TCF12: variants seen among roughly 807,000 people sequenced by gnomAD.
TCF12 encodes the protein transcription factor 12, also known as DNA-binding protein HTF4.
In TCF12, 45 loss-of-function variants were observed where a neutral mutation model predicts 86.0. That is an observed-to-expected ratio of 0.52 (90% CI 0.41 to 0.67). The LOEUF is 0.67. Among genes scored for constraint, TCF12 ranks in the 30% least tolerant of loss-of-function variants. TCF12 has a pLI of 0.00. For synonymous variants in TCF12, 330 were observed against 299.6 expected (o/e 1.10, Z -1.05); for missense variants, 881 against 859.9 (o/e 1.02, Z -0.31).
At chr15:56,953,667 C>T (rs186708817) in intron 3 of TCF12, among the ~76,000 whole-genome samples, 3 of 152,010 alleles carry the variant, frequency 2.0e-5, no homozygotes, top group African/African-American at 7.2e-5. Context: ...TTGTGTTTCT[C>T]AAAGATTGTT....
In TCF12 at chr15:57,289,069, T is replaced by G. The variant is rs1050693675; in HGVS notation, c.*2924T>G. On this transcript the variant is annotated 3_prime_UTR_variant, in exon 21 of 21. Coordinates refer to ENST00000333725, the MANE Select transcript of TCF12 (RefSeq NM_207037.2). ...AGAACCTCAAACAAACTAGACAAAC[T>G]TTTTTTTTGACAGTGAATGACTTTT... is the stretch of plus-strand genomic sequence containing the variant. 1.3e-5 allele frequency: 2 copies of G among 150,560 alleles called. No individual in the cohort carries two copies. The highest frequency in any genetic ancestry group is 2.9e-5 in the Non-Finnish European group (2 of 67,844). 9.3% of individuals were successfully genotyped at this position (150,560 alleles called of 1,614,324 possible). A position where few individuals can be genotyped will look rare whatever the true frequency, so the allele number is the denominator to read the frequency against.
intron 6 of TCF12, among the ~76,000 whole-genome samples, chr15:57,180,503 A>G (rs1288710504): frequency 6.6e-6 from 1 of 152,146 alleles, no homozygotes; most frequent in African/African-American, 2.4e-5. Flanking sequence ...TTCTGTTATA[A>G]TTGTGTTTTA....
At chr15:57,236,999 G>A (rs972100086) in intron 12 of TCF12, among the ~76,000 whole-genome samples, 6 of 151,978 alleles carry the variant, frequency 3.9e-5, no homozygotes, top group Admixed American at 2.6e-4. Flanking sequence ...GGTTTCTTTC[G>A]GTGCCTAATA....
At chr15:57,099,603 A>G (rs529632038) in intron 5 of TCF12, among the ~76,000 whole-genome samples, 3 of 152,280 alleles carry the variant, frequency 2.0e-5, no homozygotes, top group East Asian at 1.9e-4. Flanking sequence ...TGGTAATACT[A>G]TATATCCTGT....
At position 57,288,845 on chromosome 15, in the gene TCF12, A is replaced by T. The variant is rs547505937; in HGVS notation, c.*2700A>T. The stretch of plus-strand genomic sequence containing the variant: ...AGAAAAATGAAGAAGATGGAAAAAG[A>T]CTCAAAAGAGGCTTTTTAAGTTATT... On this transcript the variant is annotated 3_prime_UTR_variant, in exon 21 of 21. Transcript: ENST00000333725. The T allele has an allele frequency of 6.6e-6, 1 of 152,226 alleles. No individual in the cohort carries two copies. The highest frequency in any genetic ancestry group is 2.1e-4 in the South Asian group (1 of 4,832). The allele number at this position is 152,226 out of a possible 1,614,324, so 9.4% of individuals were successfully genotyped here. A position where few individuals can be genotyped will look rare whatever the true frequency, so the allele number is the denominator to read the frequency against.
intron 3 of TCF12, among the ~76,000 whole-genome samples, chr15:57,056,028 G>A (rs1433076223): frequency 6.6e-6 from 1 of 151,170 alleles, no homozygotes; most frequent in Non-Finnish European, 1.5e-5. Context: ...CTCTCATCAC[G>A]TTCACTTACT....
At chr15:57,089,880 G>A (rs1456390153) in intron 4 of TCF12, among the ~76,000 whole-genome samples, 1 of 152,130 alleles carries the variant, frequency 6.6e-6, no homozygotes, top group Non-Finnish European at 1.5e-5. Flanking sequence ...ATGTACGTGA[G>A]ATAGTGATTT....
chr15:56,956,947 T>C (rs1476440692), intron 3 of TCF12, among the ~76,000 whole-genome samples: 1 of 152,208 alleles, frequency 6.6e-6, no homozygotes, highest in African/African-American at 2.4e-5. Flanking sequence ...TGTTGAAATT[T>C]TATTACCATT....
chr15:57,017,262 C>A (rs2065205361), intron 3 of TCF12, among the ~76,000 whole-genome samples: 1 of 152,164 alleles, frequency 6.6e-6, no homozygotes, highest in African/African-American at 2.4e-5. Context: ...ATAAAAATTT[C>A]AAAGGCATAT....
chr15:57,198,009 C>G (rs1226053255), intron 8 of TCF12, among the ~76,000 whole-genome samples, 184 bp downstream of exon 8: 1 of 152,192 alleles, frequency 6.6e-6, no homozygotes, highest in Non-Finnish European at 1.5e-5. Context: ...TTAGATTTCT[C>G]TGCAATGATT....
chr15:57,014,836 G>A (rs1309814607), intron 3 of TCF12, among the ~76,000 whole-genome samples: 3 of 151,144 alleles, frequency 2.0e-5, no homozygotes, highest in East Asian at 3.9e-4. Context: ...ATATGGGGGT[G>A]GGGAGGTATA....
In TCF12 at chr15:57,077,327, A is replaced by ATGTGTGTGTG. The variant is rs1172206511; in HGVS notation, c.222+13542_222+13551dup. Among the ~76,000 whole-genome samples the ATGTGTGTGTG allele has an allele frequency of 1.4e-3, 36 of 25,696 alleles. 1 individual carries two copies. Among genetic ancestry groups the ATGTGTGTGTG allele is most frequent in the Non-Finnish European group, 1.8e-3 (30 of 16,952 alleles). 16.9% of individuals were successfully genotyped at this position (25,696 alleles called of 152,430 possible). On this transcript the variant is annotated intron_variant, in intron 4 of 20. Coordinates refer to ENST00000333725, the MANE Select transcript of TCF12 (RefSeq NM_207037.2). ...TTACTTTCCATATATATGTATATAT[A>ATGTGTGTGTG]TGTGTGTGTGTGTGTGTGTGTGTGT...
intron 3 of TCF12, among the ~76,000 whole-genome samples, chr15:57,047,212 C>A (rs2067290396): frequency 6.6e-6 from 1 of 152,110 alleles, no homozygotes. Flanking sequence ...GATAGGTATT[C>A]TATATAATAC....
At chr15:57,137,689 T>G (rs1408674169) in intron 5 of TCF12, among the ~76,000 whole-genome samples, 1 of 152,166 alleles carries the variant, frequency 6.6e-6, no homozygotes, top group Non-Finnish European at 1.5e-5. Context: ...TATTTTTATA[T>G]TGGCAGAGAT....
intron 5 of TCF12, among the ~76,000 whole-genome samples, chr15:57,154,617 A>G (rs967941344): frequency 1.3e-5 from 2 of 151,934 alleles, no homozygotes. Flanking sequence ...TTCTTTGGTG[A>G]ATCTTTGTTT....
chr15:57,198,313 G>C (rs766185455), intron 8 of TCF12, among the ~76,000 whole-genome samples: 15 of 152,160 alleles, frequency 9.9e-5, no homozygotes, highest in Non-Finnish European at 1.9e-4. Context: ...CACCAAGTCA[G>C]ATGTTCATTG....
At chr15:57,139,784 C>T (rs976208538) in intron 5 of TCF12, among the ~76,000 whole-genome samples, 1 of 151,984 alleles carries the variant, frequency 6.6e-6, no homozygotes, top group African/African-American at 2.4e-5. Context: ...GTAATAGTAC[C>T]AAAAAAGCTT....
At chr15:57,027,668 C>G (rs1297350172) in intron 3 of TCF12, among the ~76,000 whole-genome samples, 1 of 152,006 alleles carries the variant, frequency 6.6e-6, no homozygotes, top group Non-Finnish European at 1.5e-5. Context: ...ACTTTACAGT[C>G]CCACATTGAT....
At chr15:57,270,770 T>C (rs557095576) in intron 18 of TCF12, among the ~76,000 whole-genome samples, 15 of 152,320 alleles carry the variant, frequency 9.8e-5, no homozygotes, top group African/African-American at 3.6e-4. Context: ...TTTTTGTTGA[T>C]GTTGATGCTA....
Sources: gnomAD v4.1 joint callset for allele counts (sites outside exome capture counted in the v4.1 genomes callset) on GRCh38, gnomAD v4.1.1 for gene constraint, MANE v1.5 for transcripts, NCBI Gene and HGNC (gene_info 2026-07-23, HGNC 2026-07-21) for gene names.